The following LRRC3B variants were observed in gnomAD, a reference collection of about 807,000 sequenced individuals.
The protein encoded by LRRC3B is leucine rich repeat containing 3B.
In LRRC3B, 2 loss-of-function variants were observed where a neutral mutation model predicts 12.8. That is an observed-to-expected ratio of 0.16 (90% CI 0.06 to 0.49). The LOEUF (loss-of-function observed/expected upper bound fraction) is 0.49. Among genes scored for constraint, LRRC3B ranks in the 20% least tolerant of loss-of-function variants. The probability of loss-of-function intolerance (pLI) is 0.96; values close to 1 mark genes in which losing one functional copy is unlikely to be tolerated. For synonymous variants in LRRC3B, 132 were observed against 122.0 expected, an observed-to-expected ratio of 1.08 and a Z score of -0.54; for missense variants, 189 against 319.4, an observed-to-expected ratio of 0.59 and a Z score of 3.11.
chr3:26,646,281 T>G (rs1575123399), intron 1 of LRRC3B, among the ~76,000 whole-genome samples: 1 of 152,178 alleles, frequency 6.6e-6, no homozygotes, highest in Non-Finnish European at 1.5e-5. Context: ...TCTGAATTAT[T>G]ATCTGCTTTT....
chr3:26,644,545 G>A (rs892083838), intron 1 of LRRC3B, among the ~76,000 whole-genome samples: 23 of 152,168 alleles, frequency 1.5e-4, no homozygotes, highest in African/African-American at 5.6e-4. Flanking sequence ...AAATGTCAGT[G>A]TCATAAAGGA....
intron 1 of LRRC3B, among the ~76,000 whole-genome samples, chr3:26,639,326 C>T (rs58699897): frequency 0.028 from 4,297 of 151,878 alleles, 232 homozygotes; most frequent in African/African-American, 0.099. Context: ...ATATTTTATA[C>T]TTACACCATG....
At position 26,684,977 on chromosome 3, in the gene LRRC3B, G is replaced by T. The variant is rs1385144355; in HGVS notation, c.-160-24536G>T. Among the ~76,000 whole-genome samples the T allele has an allele frequency of 1.3e-5, 2 of 149,664 alleles. 1 individual carries two copies. Among genetic ancestry groups the T allele is most frequent in the South Asian group, 4.3e-4 (2 of 4,694 alleles). On this transcript the variant is annotated intron_variant, in intron 1 of 1. Coordinates refer to ENST00000396641, the Ensembl canonical transcript of LRRC3B. ...ATTTTATTTTATTTTATTTTAAATG[G>T]AGTTTTGCTCTTGTTGCCCAGGCTG...
At chr3:26,682,681 C>T (rs565134628) in intron 1 of LRRC3B, among the ~76,000 whole-genome samples, 19 of 152,162 alleles carry the variant, frequency 1.2e-4, no homozygotes, top group Non-Finnish European at 2.1e-4. Flanking sequence ...CTGTCATTCA[C>T]TTTTAAGTAC....
intron 1 of LRRC3B, among the ~76,000 whole-genome samples, chr3:26,671,413 G>GAGAGGGAC (rs9331540): frequency 1.0e-5 from 1 of 99,388 alleles, no homozygotes; most frequent in Non-Finnish European, 1.9e-5. Context: ...GAGAGAGAGA[G>GAGAGGGAC]ACGAAGTCTT....
intron 1 of LRRC3B, among the ~76,000 whole-genome samples, chr3:26,637,851 ATAATCT>A (rs1422068908): frequency 1.3e-5 from 2 of 152,254 alleles, no homozygotes; most frequent in African/African-American, 2.4e-5. Context: ...GTCATCAATA[ATAATCT>A]TAAAATTACT....
intron 1 of LRRC3B, among the ~76,000 whole-genome samples, chr3:26,698,787 C>T (rs1304969604): frequency 6.6e-6 from 1 of 152,076 alleles, no homozygotes; most frequent in African/African-American, 2.4e-5. Flanking sequence ...CCCCAAAATA[C>T]TTCAGTATGT....
chr3:26,657,506 A>G (rs2125419964), intron 1 of LRRC3B, among the ~76,000 whole-genome samples: 1 of 152,332 alleles, frequency 6.6e-6, no homozygotes, highest in Middle Eastern at 3.4e-3. Flanking sequence ...TCTCTCCTTG[A>G]GGGTAAAATT....
chr3:26,671,364 A>ATATATATATG (rs1699731891), intron 1 of LRRC3B, among the ~76,000 whole-genome samples: 1 of 80,994 alleles, frequency 1.2e-5, no homozygotes, highest in African/African-American at 5.3e-5. Context: ...ATATATATAT[A>ATATATATATG]TATATATATA....
intron 1 of LRRC3B, among the ~76,000 whole-genome samples, chr3:26,690,481 T>G (rs1042385194): frequency 1.3e-5 from 2 of 152,190 alleles, no homozygotes; most frequent in African/African-American, 4.8e-5. Context: ...TCTTACTGCA[T>G]CGTGCAGACA....
chr3:26,684,779 C>T (rs1700039624), intron 1 of LRRC3B, among the ~76,000 whole-genome samples: 1 of 152,158 alleles, frequency 6.6e-6, no homozygotes, highest in Non-Finnish European at 1.5e-5. Context: ...TTGGAGGGGA[C>T]AAACATTGAA....
chr3:26,625,951 G>C (rs1698615690), intron 1 of LRRC3B, among the ~76,000 whole-genome samples: 1 of 152,202 alleles, frequency 6.6e-6, no homozygotes, highest in Non-Finnish European at 1.5e-5. Context: ...AAATGGTGGG[G>C]CTGAGTGGTC....
At chr3:26,656,702 A>G (rs1699378443) in intron 1 of LRRC3B, among the ~76,000 whole-genome samples, 1 of 152,210 alleles carries the variant, frequency 6.6e-6, no homozygotes, top group African/African-American at 2.4e-5. Context: ...CTAGAAATCC[A>G]CAGATTGGGA....
At chr3:26,676,260 T>G in intron 1 of LRRC3B, among the ~76,000 whole-genome samples, 1 of 125,612 alleles carries the variant, frequency 8.0e-6, no homozygotes, top group Non-Finnish European at 1.6e-5. Context: ...CAGGCCCTGG[T>G]GTGTGATGTT....
intron 1 of LRRC3B, among the ~76,000 whole-genome samples, chr3:26,699,528 A>G (rs1264594687): frequency 6.6e-6 from 1 of 152,134 alleles, no homozygotes; most frequent in African/African-American, 2.4e-5. Flanking sequence ...CCACCAACCC[A>G]GTGAATATTA....
chr3:26,655,513 T>C (rs999493585), intron 1 of LRRC3B, among the ~76,000 whole-genome samples: 6 of 152,246 alleles, frequency 3.9e-5, no homozygotes, highest in African/African-American at 1.2e-4. Flanking sequence ...ACTTGATAGG[T>C]TGGCCTAGGA....
At chr3:26,654,080 T>A (rs2125416967) in intron 1 of LRRC3B, among the ~76,000 whole-genome samples, 1 of 152,272 alleles carries the variant, frequency 6.6e-6, no homozygotes, top group East Asian at 1.9e-4. Flanking sequence ...TGGTGATCTG[T>A]TTCTAATAAC....
At chr3:26,704,073 T>C (rs1201085455) in intron 1 of LRRC3B, among the ~76,000 whole-genome samples, 2 of 152,138 alleles carry the variant, frequency 1.3e-5, no homozygotes, top group Admixed American at 6.6e-5. Context: ...ACTACTCACT[T>C]GGAGTTAACC....
At chr3:26,683,998 A>G (rs908242602) in intron 1 of LRRC3B, among the ~76,000 whole-genome samples, 22 of 152,172 alleles carry the variant, frequency 1.4e-4, no homozygotes, top group African/African-American at 5.3e-4. Context: ...ATATTTTCTC[A>G]GGGTCCTTCT....
Sources: gnomAD v4.1 joint callset for allele counts (sites outside exome capture counted in the v4.1 genomes callset) on GRCh38, gnomAD v4.1.1 for gene constraint, MANE v1.5 for transcripts, NCBI Gene and HGNC (gene_info 2026-07-23, HGNC 2026-07-21) for gene names.